Variants in CRACDL observed in about 807,000 individuals in gnomAD.
CRACDL encodes CRACD-like protein.
In CRACDL, 26 loss-of-function variants were observed where a neutral mutation model predicts 70.6. The observed-to-expected ratio is 0.37, with a 90% CI of 0.27 to 0.51. CRACDL has a LOEUF of 0.51. Ranked by LOEUF, CRACDL falls within the 20% of genes least tolerant of loss-of-function variation. The pLI, the probability that CRACDL is intolerant of heterozygous loss-of-function variation, is 0.94. For missense variants in CRACDL, 1,283 were observed against 1,376.9 expected (o/e 0.93, Z 1.08); for synonymous variants, 618 against 615.2 (o/e 1.00, Z -0.07).
chr2:98,855,021 G>A (rs923951334), intron 1 of CRACDL, among the ~76,000 whole-genome samples: 19 of 152,328 alleles, frequency 1.2e-4, no homozygotes, highest in Admixed American at 3.9e-4. Context: ...TGGGTGCGGC[G>A]GCTCACGCCT....
At chr2:98,836,118 C>T (rs775175034) in intron 3 of CRACDL, among the ~76,000 whole-genome samples, 2 of 152,096 alleles carry the variant, frequency 1.3e-5, no homozygotes, top group East Asian at 1.9e-4. Flanking sequence ...AGATCAATGA[C>T]GTGAAACAAA....
rs1559226238 is a variant in CRACDL at position 98,838,174 on chromosome 2, C to T, written c.184G>A (p.Glu62Lys). 1 of 1,614,116 alleles carries T rather than the reference C, an allele frequency of 6.2e-7. No individual in the cohort carries two copies. The highest frequency in any genetic ancestry group is 8.5e-7 in the Non-Finnish European group (1 of 1,179,962). The change falls in exon 3 of 10, where the codon GAG becomes AAG. Residue 62 changes from glutamate to lysine, a missense_variant. Glu to Lys is a moderately conservative substitution (Grantham distance 56). Around this residue, in one of 2 missense-constraint regions of CRACDL, gnomAD observed 362 missense variants for 495.0 expected, o/e 0.73. Transcript: ENST00000397899. ...STWKQSQTRN[E>K]VIAIESGPVG... ...GGCCCGGATTCGATGGCAATGACCT[C>T]ATTCCTCGTCTGACTTTGTTTCCAG...
At chr2:98,850,148 G>C (rs904870010) in intron 1 of CRACDL, among the ~76,000 whole-genome samples, 3 of 152,208 alleles carry the variant, frequency 2.0e-5, no homozygotes, top group Non-Finnish European at 4.4e-5. Context: ...TCAGTCACAG[G>C]ACAAACACCT....
In CRACDL at chr2:98,823,273, T is replaced by C. The variant is rs1052455732; in HGVS notation, c.1000A>G (p.Ser334Gly). Reference protein sequence around the residue: ...EGGVPGEDPSSRPATPELAEP... With the variant: ...EGGVPGEDPSGRPATPELAEP... ...GCGAGCTCCGGGGTGGCCGGGCGGC[T>C]TGAGGGGTCCTCCCCGGGGACGCCC... The change falls in exon 7 of 10, where the codon AGC (serine) becomes GGC (glycine). Residue 334 changes from serine (S) to glycine (G), a missense_variant. By Grantham distance (56) the Ser-to-Gly change is moderately conservative. Around this residue, in one of 2 missense-constraint regions of CRACDL, gnomAD observed 362 missense variants for 495.0 expected, o/e 0.73. Transcript: ENST00000397899. This position sits in a 1 kb window ranked among gnomAD's most constrained non-coding sequence, Gnocchi z 4.0. 2.5e-5 allele frequency: 35 copies of C among 1,412,808 alleles called. No homozygotes were observed. Among genetic ancestry groups the C allele is most frequent in the Non-Finnish European group, 3.1e-5 (34 of 1,093,684 alleles). The allele number at this position is 1,412,808 out of a possible 1,614,324, so 87.5% of individuals were successfully genotyped here.
chr2:98,919,889 A>G (rs1708758504), intron 1 of CRACDL, among the ~76,000 whole-genome samples: 1 of 152,082 alleles, frequency 6.6e-6, no homozygotes. Context: ...AGTAGTTGGG[A>G]CTGCAGGTAT....
intron 1 of CRACDL, among the ~76,000 whole-genome samples, chr2:98,863,076 G>C (rs1028557786): frequency 6.6e-6 from 1 of 152,004 alleles, no homozygotes; most frequent in African/African-American, 2.4e-5. Flanking sequence ...CAAGTAGGAT[G>C]AACTTAAGCC....
At chr2:98,864,563 T>TG (rs200656072) in intron 1 of CRACDL, among the ~76,000 whole-genome samples, 21 of 151,988 alleles carry the variant, frequency 1.4e-4, no homozygotes, top group African/African-American at 4.6e-4. Context: ...TTTTTTTTTT[T>TG]TGAGACGGAG....
At chr2:98,922,527 ACTGTGCCCC>A (rs1708828605) in intron 1 of CRACDL, among the ~76,000 whole-genome samples, 1 of 152,186 alleles carries the variant, frequency 6.6e-6, no homozygotes, top group Non-Finnish European at 1.5e-5. Flanking sequence ...GGCTCTTGGC[ACTGTGCCCC>A]CTGTGCCCAG....
intron 1 of CRACDL, among the ~76,000 whole-genome samples, chr2:98,929,092 C>T (rs188091851): frequency 6.6e-6 from 1 of 152,324 alleles, no homozygotes; most frequent in African/African-American, 2.4e-5. Context: ...ATCTTCCATG[C>T]AGAAAAGATC....
intron 1 of CRACDL, among the ~76,000 whole-genome samples, chr2:98,867,436 A>G (rs1429262826): frequency 6.6e-6 from 1 of 152,220 alleles, no homozygotes; most frequent in Non-Finnish European, 1.5e-5. Context: ...ACTGCAAAGC[A>G]TGACAGCTTT....
chr2:98,911,340 G>A (rs1342647296), intron 1 of CRACDL, among the ~76,000 whole-genome samples: 4 of 152,270 alleles, frequency 2.6e-5, no homozygotes, highest in East Asian at 3.9e-4. Context: ...CAATGCCTCC[G>A]GGGCTGGTAC....
chr2:98,805,263 T>G (rs1299153481), intron 7 of CRACDL, among the ~76,000 whole-genome samples: 1 of 152,132 alleles, frequency 6.6e-6, no homozygotes, highest in Admixed American at 6.5e-5. Context: ...ATGCATATTA[T>G]TCTTCAATTA....
chr2:98,851,043 T>C (rs1429531436), intron 1 of CRACDL, among the ~76,000 whole-genome samples: 1 of 152,226 alleles, frequency 6.6e-6, no homozygotes, highest in African/African-American at 2.4e-5. Context: ...CACATAATTA[T>C]GTATGAAAGC....
intron 5 of CRACDL, among the ~76,000 whole-genome samples, chr2:98,827,744 C>G (rs897524445): frequency 3.3e-5 from 5 of 152,166 alleles, no homozygotes; most frequent in Admixed American, 6.5e-5. Context: ...TCCCCTGTCA[C>G]CCTCCCATGG....
intron 1 of CRACDL, among the ~76,000 whole-genome samples, chr2:98,900,875 C>A (rs980988642): frequency 1.3e-5 from 2 of 152,142 alleles, no homozygotes; most frequent in African/African-American, 2.4e-5. Flanking sequence ...AACAGAGACT[C>A]CAGTGTGGCT....
In CRACDL at chr2:98,879,700, C is replaced by T. The variant is rs546110508; in HGVS notation, c.-10-32890G>A. Among the ~76,000 whole-genome samples the T allele has an allele frequency of 2.8e-4, 42 of 152,314 alleles. No homozygotes were observed. In the South Asian group the frequency reaches 8.5e-3, roughly 31 times the overall value. ...AGTAGCTGTCCCAGGTGCACACTGC[C>T]GTGCCCAGCTAATATTTTACATTTT... On this transcript the variant is annotated intron_variant, in intron 1 of 9. Transcript: ENST00000397899.
At chr2:98,855,861 G>T (rs1486501500) in intron 1 of CRACDL, among the ~76,000 whole-genome samples, 1 of 152,142 alleles carries the variant, frequency 6.6e-6, no homozygotes, top group East Asian at 1.9e-4. Context: ...AAAATTCACT[G>T]AAGAGGCTCA....
rs528501120 is a variant in CRACDL at position 98,836,548 on chromosome 2, C to A, written c.239+1571G>T. Among the ~76,000 whole-genome samples the A allele has an allele frequency of 2.0e-5, 3 of 152,256 alleles. No individual in the cohort carries two copies. In the South Asian group the frequency reaches 6.2e-4, roughly 32 times the overall value. The stretch of plus-strand genomic sequence containing the variant: ...GCTCCTGTGACAGGGAGGACATCAG[C>A]AAGCGGACAGGACAATTCATCCCAG... On this transcript the variant is annotated intron_variant, in intron 3 of 9. Coordinates refer to ENST00000397899, the MANE Select transcript of CRACDL (RefSeq NM_207362.3).
At chr2:98,884,245 T>C (rs1301368256) in intron 1 of CRACDL, among the ~76,000 whole-genome samples, 1 of 152,108 alleles carries the variant, frequency 6.6e-6, no homozygotes, top group African/African-American at 2.4e-5. Flanking sequence ...AGCAATCTCC[T>C]ACACTGGCCA....
Sources: allele counts gnomAD v4.1 joint callset (sites outside exome capture counted in the v4.1 genomes callset), GRCh38; gene constraint gnomAD v4.1.1; regional missense constraint gnomAD v4.1.1; non-coding constraint Gnocchi (gnomAD v3.1); transcripts MANE v1.5; gene names NCBI Gene and HGNC (gene_info 2026-07-23, HGNC 2026-07-21).